Variants in SAMD12 observed in about 807,000 individuals in gnomAD.
SAMD12 encodes the protein sterile alpha motif domain-containing protein 12.
In SAMD12, 9 loss-of-function variants were observed where a neutral mutation model predicts 15.0. The observed-to-expected ratio is 0.60, with a 90% CI of 0.36 to 1.05. The LOEUF (loss-of-function observed/expected upper bound fraction) is 1.05, where lower values mean the gene tolerates loss of function less well. Among genes scored for constraint, SAMD12 ranks in the 50% least tolerant of loss-of-function variants. SAMD12 has a pLI of 0.01. For synonymous variants in SAMD12, 86 were observed against 90.1 expected (o/e 0.96, Z 0.25); for missense variants, 230 against 234.2 (o/e 0.98, Z 0.12).
At chr8:118,357,696 C>A (rs953468914) in intron 4 of SAMD12, among the ~76,000 whole-genome samples, 7 of 152,302 alleles carry the variant, frequency 4.6e-5, no homozygotes, top group Middle Eastern at 3.4e-3. Context: ...GAAAAAAATT[C>A]TTTAATGGCT....
intron 2 of SAMD12, among the ~76,000 whole-genome samples, chr8:118,527,244 G>A (rs951581523): frequency 6.6e-6 from 1 of 152,144 alleles, no homozygotes; most frequent in Non-Finnish European, 1.5e-5. Context: ...AGCTGCCAAA[G>A]CTTTCTTTCA....
chr8:118,197,764 G>A (rs543751169), intron 4 of SAMD12: 2 of 1,604,376 alleles, frequency 1.2e-6, no homozygotes, highest in East Asian at 2.2e-5. Context: ...AATATGGTAA[G>A]TTCTTTCCTT....
At chr8:118,132,234 C>T in the SAMD12 span, among the ~76,000 whole-genome samples, 55 of 152,236 alleles carry the variant, frequency 3.6e-4, no homozygotes, top group African/African-American at 1.3e-3. Context: ...TCAAGCAATT[C>T]CCCTGTGGAT....
intron 2 of SAMD12, among the ~76,000 whole-genome samples, chr8:118,535,455 A>T (rs1825813577): frequency 1.3e-5 from 2 of 152,316 alleles, no homozygotes; most frequent in South Asian, 4.1e-4. Flanking sequence ...TGCTGGGAGA[A>T]CCACTACTCT....
chr8:118,558,853 G>A (rs1040439447), intron 2 of SAMD12, among the ~76,000 whole-genome samples: 1 of 152,084 alleles, frequency 6.6e-6, no homozygotes, highest in African/African-American at 2.4e-5. Flanking sequence ...CACCGCGCCC[G>A]GCCGACACTG....
chr8:118,175,015 G>T, the SAMD12 span, among the ~76,000 whole-genome samples: 2 of 138,284 alleles, frequency 1.4e-5, no homozygotes, highest in Admixed American at 1.5e-4. Context: ...AAAAAATTTA[G>T]CAGTAAAGCA....
chr8:118,248,888 C>A (rs908043378), intron 4 of SAMD12, among the ~76,000 whole-genome samples: 4 of 152,078 alleles, frequency 2.6e-5, no homozygotes, highest in Admixed American at 6.5e-5. Context: ...ATCAGCTGAA[C>A]AGAATTGCTG....
intron 3 of SAMD12, among the ~76,000 whole-genome samples, chr8:118,401,141 A>G (rs1820848999): frequency 6.6e-6 from 1 of 152,202 alleles, no homozygotes; most frequent in African/African-American, 2.4e-5. Context: ...CCAGTGCCAA[A>G]TCATCCCAAT....
At chr8:118,276,604 T>C (rs1813480201) in intron 4 of SAMD12, among the ~76,000 whole-genome samples, 2 of 152,224 alleles carry the variant, frequency 1.3e-5, no homozygotes, top group South Asian at 4.1e-4. Context: ...ATTGATTTTA[T>C]TGACTGAAAT....
intron 3 of SAMD12, among the ~76,000 whole-genome samples, chr8:118,434,819 G>GAA (rs1586714122): frequency 1.9e-5 from 2 of 102,984 alleles, no homozygotes; most frequent in African/African-American, 6.2e-5. Context: ...GTGTGCTTCT[G>GAA]GCCGGGCGCG....
intron 2 of SAMD12, among the ~76,000 whole-genome samples, chr8:118,556,627 C>A (rs1187586474): frequency 6.6e-6 from 1 of 152,092 alleles, no homozygotes; most frequent in Non-Finnish European, 1.5e-5. Flanking sequence ...GATAACAAAG[C>A]CACACAGAGT....
chr8:118,594,666 C>A (rs1454041691), intron 1 of SAMD12, among the ~76,000 whole-genome samples: 2 of 152,106 alleles, frequency 1.3e-5, no homozygotes, highest in Non-Finnish European at 2.9e-5. Flanking sequence ...ATACAGGACC[C>A]ATTACAATGA....
At chr8:118,278,146 A>G (rs925991133) in intron 4 of SAMD12, among the ~76,000 whole-genome samples, 4 of 152,216 alleles carry the variant, frequency 2.6e-5, no homozygotes, top group African/African-American at 4.8e-5. Context: ...TTGACCAAAT[A>G]TCTCAGATTT....
At chr8:118,228,627 T>TA (rs1812235462) in intron 4 of SAMD12, among the ~76,000 whole-genome samples, 1 of 132,898 alleles carries the variant, frequency 7.5e-6, no homozygotes. Context: ...AATCAAAAAA[T>TA]CAAAAAACAG....
At position 118,424,194 on chromosome 8, in the gene SAMD12, CATAAGT is replaced by C. The variant is rs1822143653; in HGVS notation, c.322+15632_322+15637del. ...ACAATAAAAAAACAAAAATTACACA[CATAAGT>C]ATATGTGTATATCTACGCATTTATA... On this transcript the variant is annotated intron_variant, in intron 3 of 3. Transcript: ENST00000314727. Among the ~76,000 whole-genome samples, 5 of 152,118 alleles carry C rather than the reference CATAAGT, an allele frequency of 3.3e-5. No homozygotes were observed. In the South Asian group the frequency reaches 1.0e-3, roughly 31 times the overall value.
intron 2 of SAMD12, among the ~76,000 whole-genome samples, chr8:118,573,763 A>G (rs917547238): frequency 1.2e-4 from 18 of 152,210 alleles, no homozygotes; most frequent in African/African-American, 4.3e-4. Flanking sequence ...TGGAGGAGCT[A>G]AAGATAACCA....
At chr8:118,288,107 T>C (rs1814152122) in intron 4 of SAMD12, 1 of 152,102 alleles carries the variant, frequency 6.6e-6, no homozygotes. Flanking sequence ...ATTACAATGG[T>C]GGTGAAAAGA....
At chr8:118,538,573 C>A (rs1825909379) in intron 2 of SAMD12, among the ~76,000 whole-genome samples, 1 of 152,182 alleles carries the variant, frequency 6.6e-6, no homozygotes, top group Non-Finnish European at 1.5e-5. Flanking sequence ...AATCACTGTG[C>A]TCTCCCTCTC....
At chr8:118,261,275 C>A (rs1458949643) in intron 4 of SAMD12, among the ~76,000 whole-genome samples, 1 of 152,056 alleles carries the variant, frequency 6.6e-6, no homozygotes, top group Non-Finnish European at 1.5e-5. Context: ...GACGTCTACA[C>A]TTTTCCCTAG....
Sources: gnomAD v4.1 joint callset for allele counts (sites outside exome capture counted in the v4.1 genomes callset) on GRCh38, gnomAD v4.1.1 for gene constraint, MANE v1.5 for transcripts, NCBI Gene and HGNC (gene_info 2026-07-23, HGNC 2026-07-21) for gene names.